Variants in PCDH9 observed in about 807,000 individuals in gnomAD.
The protein encoded by PCDH9 is protocadherin 9, also known as protocadherin-9.
In PCDH9, 24 loss-of-function variants were observed where a neutral mutation model predicts 70.6. The ratio of observed to expected loss-of-function variants is 0.34; its 90% CI spans 0.25 to 0.48. The LOEUF is 0.48. Among genes scored for constraint, PCDH9 ranks in the 20% least tolerant of loss-of-function variants. The probability of loss-of-function intolerance (pLI) is 0.99; values close to 1 mark genes in which losing one functional copy is unlikely to be tolerated. For synonymous variants in PCDH9, 562 were observed against 558.5 expected (o/e 1.01, Z -0.09); for missense variants, 1,281 against 1,503.6 (o/e 0.85, Z 2.45).
intron 3 of PCDH9, among the ~76,000 whole-genome samples, chr13:66,759,259 A>G (rs991131182): frequency 3.9e-5 from 6 of 152,032 alleles, no homozygotes; most frequent in Non-Finnish European, 4.4e-5. Flanking sequence ...TTCATTTTAC[A>G]GTTTTTTTTA....
intron 2 of PCDH9, among the ~76,000 whole-genome samples, chr13:67,115,193 T>C (rs2086734861): frequency 6.6e-6 from 1 of 152,222 alleles, no homozygotes; most frequent in Non-Finnish European, 1.5e-5. Context: ...TGTTTTGGAA[T>C]AGGATGTATC....
chr13:67,102,634 G>A (rs1235902537), intron 2 of PCDH9, among the ~76,000 whole-genome samples: 1 of 152,106 alleles, frequency 6.6e-6, no homozygotes, highest in Non-Finnish European at 1.5e-5. Context: ...CTCTAAGTGT[G>A]AAGAGGATAC....
At chr13:66,836,769 A>G (rs566616180) in intron 3 of PCDH9, among the ~76,000 whole-genome samples, 19 of 152,228 alleles carry the variant, frequency 1.2e-4, no homozygotes, top group Middle Eastern at 6.8e-3. Context: ...GACTTTCCGT[A>G]TGTTACAATC....
intron 3 of PCDH9, among the ~76,000 whole-genome samples, chr13:66,849,505 TATATATATATATAG>T (rs1207814411): frequency 7.6e-5 from 7 of 91,676 alleles, no homozygotes; most frequent in African/African-American, 2.1e-4. Context: ...TATATATATA[TATATATATATATAG>T]AGAGAGAGAG....
At chr13:66,599,496 A>T (rs1300407439) in intron 4 of PCDH9, among the ~76,000 whole-genome samples, 1 of 151,866 alleles carries the variant, frequency 6.6e-6, no homozygotes, top group African/African-American at 2.4e-5. Context: ...AAAATTATTT[A>T]ATTACATTAT....
At position 66,594,599 on chromosome 13, in the gene PCDH9, T is replaced by A. The variant is rs556363468; in HGVS notation, c.3340+36611A>T. Among the ~76,000 whole-genome samples the A allele has an allele frequency of 9.2e-5, 14 of 151,594 alleles. 1 individual carries two copies. The South Asian group carries it at 1.7e-3, about 18-fold the overall frequency. On this transcript the variant is annotated intron_variant, in intron 4 of 4. Transcript: ENST00000377865. ...GTGCCATGGTGGTTTGCTACACCTG[T>A]CAACCCATCACCTAGATATTAAGCC...
intron 3 of PCDH9, among the ~76,000 whole-genome samples, chr13:66,764,813 G>T (rs368335460): frequency 1.3e-5 from 2 of 151,768 alleles, no homozygotes; most frequent in East Asian, 3.9e-4. Flanking sequence ...TGAGTTATTG[G>T]TATTTTTCAT....
chr13:66,633,735 G>A (rs1228556920), intron 3 of PCDH9, among the ~76,000 whole-genome samples: 1 of 152,122 alleles, frequency 6.6e-6, no homozygotes, highest in East Asian at 1.9e-4. Flanking sequence ...ATTTCTGGAA[G>A]TCCCTTAAGC....
chr13:66,822,624 C>G (rs1333382583), intron 3 of PCDH9, among the ~76,000 whole-genome samples: 1 of 150,380 alleles, frequency 6.6e-6, no homozygotes, highest in Non-Finnish European at 1.5e-5. Context: ...CTCCTGGGTT[C>G]AAGGGATTAT....
At chr13:66,650,998 A>G (rs1274475505) in intron 3 of PCDH9, among the ~76,000 whole-genome samples, 2 of 151,990 alleles carry the variant, frequency 1.3e-5, no homozygotes, top group Non-Finnish European at 2.9e-5. Context: ...AATTATGGAA[A>G]CACAACATAC....
chr13:66,912,086 A>C (rs1430157316), intron 2 of PCDH9, among the ~76,000 whole-genome samples: 1 of 152,190 alleles, frequency 6.6e-6, no homozygotes, highest in Non-Finnish European at 1.5e-5. Flanking sequence ...CACAGATAAA[A>C]GTAGATTGAC....
chr13:67,123,463 C>T (rs1179788543), intron 2 of PCDH9, among the ~76,000 whole-genome samples: 1 of 152,114 alleles, frequency 6.6e-6, no homozygotes, highest in African/African-American at 2.4e-5. Context: ...GAAAGAAAAG[C>T]TTCTGTTGCT....
chr13:67,099,777 GTC>G (rs1373235699), intron 2 of PCDH9, among the ~76,000 whole-genome samples: 1 of 152,146 alleles, frequency 6.6e-6, no homozygotes, highest in Non-Finnish European at 1.5e-5. Flanking sequence ...CGAGTGAGGA[GTC>G]TCTAAGGATA....
intron 2 of PCDH9, among the ~76,000 whole-genome samples, chr13:66,942,413 C>T (rs528421262): frequency 4.2e-4 from 63 of 151,402 alleles, no homozygotes; most frequent in African/African-American, 1.4e-3. Context: ...TGTTTAGATG[C>T]GTGAAAGTAA....
intron 3 of PCDH9, among the ~76,000 whole-genome samples, chr13:66,863,691 T>C (rs1046810757): frequency 2.6e-5 from 4 of 152,272 alleles, no homozygotes; most frequent in East Asian, 3.9e-4. Context: ...TTTCACCGTG[T>C]TAGCCAGATG....
chr13:66,416,837 TAGA>T (rs1957469115), intron 4 of PCDH9, among the ~76,000 whole-genome samples: 7 of 152,260 alleles, frequency 4.6e-5, no homozygotes, highest in Middle Eastern at 3.4e-3. Flanking sequence ...GAGAATTTGT[TAGA>T]AGAAGTTATT....
At chr13:66,477,740 T>A (rs1439327652) in intron 4 of PCDH9, among the ~76,000 whole-genome samples, 1 of 152,172 alleles carries the variant, frequency 6.6e-6, no homozygotes, top group Non-Finnish European at 1.5e-5. Context: ...CACATGCAAA[T>A]CATAATTGAA....
chr13:66,794,138 GT>G (rs953894987), intron 3 of PCDH9, among the ~76,000 whole-genome samples: 15 of 152,094 alleles, frequency 9.9e-5, no homozygotes, highest in African/African-American at 2.9e-4. Flanking sequence ...AAGAAAGATA[GT>G]TTTTTTCACA....
intron 2 of PCDH9, among the ~76,000 whole-genome samples, chr13:66,932,413 G>A (rs1007837295): frequency 6.6e-6 from 1 of 151,898 alleles, no homozygotes; most frequent in African/African-American, 2.4e-5. Context: ...AAATAATTCT[G>A]CTATAACCAT....
Sources: gnomAD v4.1 joint callset for allele counts (sites outside exome capture counted in the v4.1 genomes callset) on GRCh38, gnomAD v4.1.1 for gene constraint, MANE v1.5 for transcripts, NCBI Gene and HGNC (gene_info 2026-07-23, HGNC 2026-07-21) for gene names.